Variants in TACC2 observed in about 807,000 individuals in gnomAD.
TACC2 encodes the protein transforming acidic coiled-coil-containing protein 2.
A neutral mutation model predicts 227.3 loss-of-function variants in TACC2; 137 were observed. The observed-to-expected ratio is 0.60, with a 90% confidence interval of 0.52 to 0.69. The LOEUF (loss-of-function observed/expected upper bound fraction) is 0.69. Ranked by LOEUF, TACC2 falls within the 30% of genes least tolerant of loss-of-function variation. The pLI, the probability that TACC2 is intolerant of heterozygous loss-of-function variation, is 0.00. For missense variants in TACC2, 3,470 were observed against 3,694.4 expected (o/e 0.94, Z 1.57); for synonymous variants, 1,523 against 1,487.5 (o/e 1.02, Z -0.55).
rs562293023 is a variant in TACC2 at position 122,209,997 on chromosome 10, G to A, written c.5972-400G>A. On this transcript the variant is annotated intron_variant, in intron 8 of 22. Transcript: ENST00000369005. The surrounding 1 kb of genome is among the most constrained non-coding windows in gnomAD (Gnocchi z 4.5). ...GTGAGACACCATGCCCGGCCCTGGT[G>A]GTTTATTCGCTATCTTCCCCTGAAG... 3.2e-4 allele frequency: 71 copies of A among 218,668 alleles called. No homozygotes were observed. The South Asian group carries it at 5.3e-3, about 16-fold the overall frequency. 13.5% of individuals were successfully genotyped at this position (218,668 alleles called of 1,614,324 possible).
chr10:122,025,494 C>T (rs1319343700), intron 2 of TACC2, among the ~76,000 whole-genome samples: 2 of 152,026 alleles, frequency 1.3e-5, no homozygotes, highest in Non-Finnish European at 2.9e-5. Flanking sequence ...AACTCCTGAC[C>T]TCGTGATCCG....
intron 7 of TACC2, among the ~76,000 whole-genome samples, chr10:122,188,270 G>GTTTA (rs1420872837): frequency 3.7e-4 from 56 of 152,036 alleles, no homozygotes; most frequent in African/African-American, 1.1e-3. Flanking sequence ...TCTTGCTTTA[G>GTTTA]TTTATTTATT....
At chr10:122,035,669 A>C (rs962061931) in intron 2 of TACC2, among the ~76,000 whole-genome samples, 2 of 152,196 alleles carry the variant, frequency 1.3e-5, no homozygotes, top group Admixed American at 1.3e-4. Context: ...AGTGGAATTA[A>C]GTACATTGCA....
At chr10:122,143,058 A>G (rs2090865756) in intron 6 of TACC2, among the ~76,000 whole-genome samples, 2 of 152,148 alleles carry the variant, frequency 1.3e-5, no homozygotes, top group South Asian at 4.1e-4. Context: ...TTCCTCCCCC[A>G]GGACACGGGT....
Position 122,227,768 on chromosome 10 carries a change from G to T in TACC2, c.7725-69G>T, listed in dbSNP as rs893625263. 58 of 1,512,366 alleles carry T rather than the reference G, an allele frequency of 3.8e-5. No individual in the cohort carries two copies. In the African/African-American group the frequency reaches 7.5e-4, roughly 19 times the overall value. 93.7% of individuals were successfully genotyped at this position (1,512,366 alleles called of 1,614,324 possible). A position where few individuals can be genotyped will look rare whatever the true frequency, so the allele number is the denominator to read the frequency against. The stretch of plus-strand genomic sequence containing the variant: ...TCCTTGTGATATTGACTTGGTCAGG[G>T]CATCCTGGTTGATTTCAGTGGGTTT... On this transcript the variant is annotated intron_variant, in intron 13 of 22. Coordinates refer to ENST00000369005, the MANE Select transcript of TACC2 (RefSeq NM_206862.4).
intron 19 of TACC2, among the ~76,000 whole-genome samples, chr10:122,243,417 G>T (rs1280323704): frequency 6.6e-6 from 1 of 152,132 alleles, no homozygotes; most frequent in Admixed American, 6.5e-5. Flanking sequence ...AAATATAATA[G>T]TAGCCTCAGG....
rs370608973 is a variant in TACC2, at chr10:122,105,944, C to CTCTG, written c.5573+17354_5573+17355insCTGT. Among the ~76,000 whole-genome samples the CTCTG allele has an allele frequency of 1.1e-3, 159 of 145,262 alleles. 1 individual carries two copies. Among genetic ancestry groups the CTCTG allele is most frequent in the African/African-American group, 2.3e-3 (89 of 39,002 alleles). On this transcript the variant is annotated intron_variant, in intron 5 of 22. Transcript: ENST00000369005. ...GGCCTGTCATAAACATTTTCTCTCT[C>CTCTG]TGTGTGTGTGTGTGTGTGTGTGTGT...
Position 122,249,592 on chromosome 10 carries a change from A to G in TACC2, c.8709A>G (p.Gln2903=). 6.2e-7 allele frequency: 1 copy of G among 1,614,144 alleles called. No homozygotes were observed. The highest frequency in any genetic ancestry group is 1.7e-4 in the Middle Eastern group (1 of 6,054). Reference sequence around the variant, plus strand: ...TTCGAGGCAAGGCCCAGCAGGAGCAAGCCGCCCACCAGGCCAGCCTGCGGA... The same window carrying G: ...TTCGAGGCAAGGCCCAGCAGGAGCAGGCCGCCCACCAGGCCAGCCTGCGGA... The part of the protein sequence containing the change: ...AQVRGKAQQE[Q]AAHQASLRKE... Residue 2903 remains glutamine (Q), a synonymous_variant, in exon 22 of 23, where the codon CAA becomes CAG. Transcript: ENST00000369005.
chr10:122,108,417 T>C (rs2137900369), intron 5 of TACC2, among the ~76,000 whole-genome samples: 1 of 150,758 alleles, frequency 6.6e-6, no homozygotes, highest in Middle Eastern at 3.4e-3. Flanking sequence ...TGTGTGTGTA[T>C]ATATATATGT....
At chr10:122,160,585 A>G (rs866486748) in intron 7 of TACC2, among the ~76,000 whole-genome samples, 20 of 151,962 alleles carry the variant, frequency 1.3e-4, no homozygotes, top group Middle Eastern at 3.4e-3. Flanking sequence ...GTATAATCTC[A>G]TCTTGAGGGG....
intron 2 of TACC2, among the ~76,000 whole-genome samples, chr10:122,040,868 TGAGC>T (rs1350440104): frequency 6.6e-6 from 1 of 152,172 alleles, no homozygotes; most frequent in East Asian, 1.9e-4. Context: ...AGCTGATGTT[TGAGC>T]TCAGAGCTGC....
At chr10:122,011,478 C>T (rs565737444) in intron 1 of TACC2, among the ~76,000 whole-genome samples, 8 of 152,168 alleles carry the variant, frequency 5.3e-5, no homozygotes, top group East Asian at 1.9e-4. Flanking sequence ...TACAGGTGCA[C>T]GCCACCACGC....
intron 16 of TACC2, among the ~76,000 whole-genome samples, chr10:122,231,826 G>C (rs762160914): frequency 3.3e-5 from 5 of 152,182 alleles, no homozygotes; most frequent in Non-Finnish European, 5.9e-5. Context: ...AGGTGACAGA[G>C]CGAGACCCTA....
At position 122,230,371 on chromosome 10, in the gene TACC2, C is replaced by G. The variant is rs1412881261; in HGVS notation, c.8058C>G (p.Ile2686Met). ...QKLQEELEFA[I>M]MRIEALKLAR... is the part of the protein sequence containing the mutation. ...GGCAGGAGGAGTTAGAGTTTGCCAT[C>G]ATGCGGATAGAAGCCCTGAAGCTGG... The change falls in exon 16 of 23, where the codon ATC becomes ATG. Residue 2686 changes from isoleucine to methionine, a missense_variant. Coordinates refer to ENST00000369005, the MANE Select transcript of TACC2 (RefSeq NM_206862.4). The G allele has an allele frequency of 1.2e-6, 2 of 1,614,066 alleles. No individual in the cohort carries two copies. The highest frequency in any genetic ancestry group is 1.7e-5 in the Admixed American group (1 of 60,012).
At position 122,227,859 on chromosome 10, in the gene TACC2, G is replaced by A. The variant is rs777206576; in HGVS notation, c.7747G>A (p.Ala2583Thr). The A allele has an allele frequency of 8.1e-6, 13 of 1,613,668 alleles. 1 individual carries two copies. The highest frequency in any genetic ancestry group is 1.7e-5 in the Admixed American group (1 of 59,948). ...CAGGTCAAGTTTTGAAGAGACTGAAGCCCTTGTGAACACTGCTGCGAAAAA... is the reference window on the plus strand; with the variant it reads ...CAGGTCAAGTTTTGAAGAGACTGAAACCCTTGTGAACACTGCTGCGAAAAA... The part of the protein sequence containing the change: ...CSGSSFEETE[A>T]LVNTAAKNQH... The change falls in exon 14 of 23, where the codon GCC (alanine) becomes ACC (threonine). Residue 2583 changes from alanine (A) to threonine (T), a missense_variant. Physicochemically the swap from Ala to Thr is moderately conservative, Grantham distance 58. Transcript: ENST00000369005.
chr10:122,117,354 C>T (rs939288541), intron 5 of TACC2, among the ~76,000 whole-genome samples: 1 of 151,792 alleles, frequency 6.6e-6, no homozygotes, highest in Non-Finnish European at 1.5e-5. Context: ...CCACCATGCC[C>T]GGCTAATTTT....
At chr10:122,216,362 C>CT (rs1329455608) in intron 10 of TACC2, among the ~76,000 whole-genome samples, 1 of 147,974 alleles carries the variant, frequency 6.8e-6, no homozygotes, top group East Asian at 2.1e-4. Flanking sequence ...GCTCAAGTAA[C>CT]TAAGACACAA....
At chr10:122,040,319 G>C (rs1159309879) in intron 2 of TACC2, among the ~76,000 whole-genome samples, 3 of 152,128 alleles carry the variant, frequency 2.0e-5, no homozygotes, top group Admixed American at 2.0e-4. Context: ...GTCCCTCTCT[G>C]GGAAAGAGGT....
intron 1 of TACC2, among the ~76,000 whole-genome samples, chr10:122,000,448 C>A (rs1197791699): frequency 2.0e-5 from 3 of 152,132 alleles, no homozygotes; most frequent in Non-Finnish European, 4.4e-5. Flanking sequence ...TGGCAGATTG[C>A]TCGATGCCTG....
Sources: allele counts gnomAD v4.1 joint callset (sites outside exome capture counted in the v4.1 genomes callset), GRCh38; gene constraint gnomAD v4.1.1; non-coding constraint Gnocchi (gnomAD v3.1); transcripts MANE v1.5; gene names NCBI Gene and HGNC (gene_info 2026-07-23, HGNC 2026-07-21).